The following RSPO4 variants were observed in gnomAD, a reference collection of about 807,000 sequenced individuals.
RSPO4 encodes the protein R-spondin 4.
A neutral mutation model predicts 24.8 loss-of-function variants in RSPO4; 23 were observed. The ratio of observed to expected loss-of-function variants is 0.93; its 90% CI spans 0.67 to 1.31. The LOEUF (loss-of-function observed/expected upper bound fraction) is 1.31, where lower values mean the gene tolerates loss of function less well. Among genes scored for constraint, RSPO4 ranks in the 40% most tolerant of loss-of-function variants. The pLI, the probability that RSPO4 is intolerant of heterozygous loss-of-function variation, is 0.00. For synonymous variants in RSPO4, 141 were observed against 127.4 expected, an observed-to-expected ratio of 1.11 and a Z score of -0.72; for missense variants, 333 against 316.5, an observed-to-expected ratio of 1.05 and a Z score of -0.39.
At chr20:987,496 G>T (rs7263441) in intron 1 of RSPO4, among the ~76,000 whole-genome samples, 33,235 of 151,790 alleles carry the variant, frequency 0.22, 8,204 homozygotes, top group African/African-American at 0.61. Flanking sequence ...ATTTGTAAAA[G>T]GAACACTGTC....
intron 4 of RSPO4, among the ~76,000 whole-genome samples, chr20:962,621 G>A (rs539874584): frequency 8.1e-4 from 123 of 152,150 alleles, no homozygotes; most frequent in Middle Eastern, 3.4e-3. Context: ...GTCCTCACCT[G>A]CCCAACATGA....
At position 1,002,020 on chromosome 20, in the gene RSPO4, G is replaced by T; in HGVS notation, c.79+66C>A. The T allele has an allele frequency of 1.4e-6, 2 of 1,401,966 alleles. No homozygotes were observed. The highest frequency in any genetic ancestry group is 2.5e-5 in the East Asian group (1 of 39,312). The allele number at this position is 1,401,966 out of a possible 1,614,324, so 86.8% of individuals were successfully genotyped here. A position where few individuals can be genotyped will look rare whatever the true frequency, so the allele number is the denominator to read the frequency against. On this transcript the variant is annotated intron_variant, in intron 1 of 4. Coordinates refer to ENST00000217260, the MANE Select transcript of RSPO4 (RefSeq NM_001029871.4). The surrounding 1 kb of genome is among the most constrained non-coding windows in gnomAD (Gnocchi z 4.6). ...AGATGCCCCCAGAGCCGCCGCCCCC[G>T]GTCCTCCGGCCCCCGGTCTGCCCCG...
intron 1 of RSPO4, among the ~76,000 whole-genome samples, chr20:992,511 T>C (rs550700970): frequency 3.3e-5 from 5 of 152,090 alleles, no homozygotes; most frequent in Non-Finnish European, 7.4e-5. Flanking sequence ...GAACGTTCTG[T>C]ACACTAGGAA....
At chr20:992,966 C>T (rs1006051044) in intron 1 of RSPO4, among the ~76,000 whole-genome samples, 2 of 152,194 alleles carry the variant, frequency 1.3e-5, no homozygotes, top group Admixed American at 6.5e-5. Context: ...AGTGCTCATC[C>T]GGGACTTGCT....
chr20:973,400 T>C (rs1984467572), intron 1 of RSPO4, among the ~76,000 whole-genome samples: 1 of 152,260 alleles, frequency 6.6e-6, no homozygotes, highest in Non-Finnish European at 1.5e-5. Context: ...GGCAGCCAAC[T>C]GCAAAGAAGC....
rs181485241 is a variant in RSPO4 at position 982,700 on chromosome 20, G to A, written c.80-14562C>T. On this transcript the variant is annotated intron_variant, in intron 1 of 4. Transcript: ENST00000217260. ...ACCTCGGGTAGGTCTGTTGCCTCTC[G>A]CATCCTCTCTGAGCCTACTTTGGTT... is the stretch of plus-strand genomic sequence containing the variant. Among the ~76,000 whole-genome samples, 537 of 152,274 alleles carry A rather than the reference G, an allele frequency of 3.5e-3. 4 individuals are homozygous for A. Among genetic ancestry groups the A allele is most frequent in the Non-Finnish European group, 6.5e-3 (445 of 68,020 alleles).
intron 1 of RSPO4, among the ~76,000 whole-genome samples, chr20:989,366 G>T (rs1985021104): frequency 6.6e-6 from 1 of 152,210 alleles, no homozygotes; most frequent in Non-Finnish European, 1.5e-5. Flanking sequence ...TGATATTAAA[G>T]AATTGCTTGC....
At position 964,795 on chromosome 20, in the gene RSPO4, T is replaced by TACACACAC. The variant is rs1327859655; in HGVS notation, c.410-676_410-675insGTGTGTGT. On this transcript the variant is annotated intron_variant, in intron 3 of 4. Coordinates refer to ENST00000217260, the MANE Select transcript of RSPO4 (RefSeq NM_001029871.4). ...ACACACACATATATATATACACATA[T>TACACACAC]ATACACACATACACACACACACACA... 2.9e-3 allele frequency among the ~76,000 whole-genome samples: 313 copies of TACACACAC among 108,532 alleles called. 1 individual carries two copies. The highest frequency in any genetic ancestry group is 0.012 in the African/African-American group (280 of 22,626). The allele number at this position is 108,532 out of a possible 152,430, so 71.2% of individuals were successfully genotyped here.
chr20:978,134 G>A (rs1012677847), intron 1 of RSPO4, among the ~76,000 whole-genome samples: 1 of 152,216 alleles, frequency 6.6e-6, no homozygotes, highest in African/African-American at 2.4e-5. Flanking sequence ...CAGCACTCAG[G>A]AGGTGGGGGG....
intron 1 of RSPO4, among the ~76,000 whole-genome samples, chr20:985,422 A>G (rs142845720): frequency 0.02 from 3,091 of 152,384 alleles, 54 homozygotes; most frequent in Middle Eastern, 0.12. Context: ...AAGTTAAAAG[A>G]CAAATCACAG....
rs1298796348 is a variant in RSPO4 at position 970,959 on chromosome 20, C to T, written c.80-2821G>A. Among the ~76,000 whole-genome samples, 1 of 152,206 alleles carries T rather than the reference C, an allele frequency of 6.6e-6. No individual in the cohort carries two copies. The highest frequency in any genetic ancestry group is 1.5e-5 in the Non-Finnish European group (1 of 68,026). The stretch of plus-strand genomic sequence containing the variant: ...CTGGGCTCAAGCAATCCTCCTGCCT[C>T]AGCCTCCTAAGTAGCTGGGACTACA... On this transcript the variant is annotated intron_variant, in intron 1 of 4. Transcript: ENST00000217260. This position sits in a 1 kb window ranked among gnomAD's most constrained non-coding sequence, Gnocchi z 4.1.
At chr20:967,366 C>G (rs777614589) in intron 2 of RSPO4, 52 bp from the exon 3 acceptor site, 2 of 1,602,354 alleles carry the variant, frequency 1.2e-6, no homozygotes, top group Non-Finnish European at 1.7e-6. Context: ...AAGGATGGGG[C>G]CCACTGGGTC....
At chr20:974,453 C>G (rs1429468942) in intron 1 of RSPO4, among the ~76,000 whole-genome samples, 2 of 152,200 alleles carry the variant, frequency 1.3e-5, no homozygotes, top group Non-Finnish European at 2.9e-5. Context: ...GTGTGAGAAG[C>G]CTTGGTGGGC....
At chr20:998,762 C>T (rs1046418922) in intron 1 of RSPO4, among the ~76,000 whole-genome samples, 5 of 152,214 alleles carry the variant, frequency 3.3e-5, no homozygotes, top group African/African-American at 1.2e-4. Context: ...AGGTCCCCAA[C>T]ACAGAGCCTG....
At chr20:972,820 A>C (rs1884111) in intron 1 of RSPO4, among the ~76,000 whole-genome samples, 5,807 of 152,314 alleles carry the variant, frequency 0.038, 264 homozygotes, top group African/African-American at 0.11. Context: ...GTGTAAGCCC[A>C]CTGGGCCTGA....
intron 1 of RSPO4, among the ~76,000 whole-genome samples, chr20:997,042 A>G (rs1985313117): frequency 6.6e-6 from 1 of 152,250 alleles, no homozygotes; most frequent in South Asian, 2.1e-4. Flanking sequence ...CTCTGGGTCC[A>G]GGTCCTGGCT....
chr20:967,036 T>G (rs1285638064), intron 3 of RSPO4, 138 bp downstream of exon 3: 3 of 784,792 alleles, frequency 3.8e-6, no homozygotes, highest in Non-Finnish European at 6.0e-6. Flanking sequence ...CCAGTGTACC[T>G]GACATGGTGG....
intron 1 of RSPO4, among the ~76,000 whole-genome samples, chr20:992,184 C>T (rs75028284): frequency 0.022 from 3,376 of 152,024 alleles, 134 homozygotes; most frequent in African/African-American, 0.076. Context: ...TGGCAACATA[C>T]GCACACGCAC....
chr20:998,077 C>T (rs1154757), intron 1 of RSPO4, among the ~76,000 whole-genome samples: 40,759 of 152,162 alleles, frequency 0.27, 9,190 homozygotes, highest in African/African-American at 0.61. Flanking sequence ...TGGGGAAGCA[C>T]GGACGGGAGA....
Sources: allele counts gnomAD v4.1 joint callset (sites outside exome capture counted in the v4.1 genomes callset), GRCh38; gene constraint gnomAD v4.1.1; non-coding constraint Gnocchi (gnomAD v3.1); transcripts MANE v1.5; gene names NCBI Gene and HGNC (gene_info 2026-07-23, HGNC 2026-07-21).